NBEAL2: variants seen among roughly 807,000 people sequenced by gnomAD.
The protein encoded by NBEAL2 is neurobeachin like 2, also known as neurobeachin-like protein 2.
A neutral mutation model predicts 299.8 loss-of-function variants in NBEAL2; 160 were observed. The ratio of observed to expected loss-of-function variants is 0.53; its 90% confidence interval spans 0.47 to 0.61. The LOEUF is 0.61. Among genes scored for constraint, NBEAL2 ranks in the 20% least tolerant of loss-of-function variants. The pLI is 0.00. For synonymous variants in NBEAL2, 1,493 were observed against 1,542.3 expected (o/e 0.97, Z 0.75); for missense variants, 3,112 against 3,649.0 (o/e 0.85, Z 3.79).
chr3:46,996,124 GGA>G (rs1408193591), intron 15 of NBEAL2, 73 bp downstream of exon 15: 1 of 1,551,850 alleles, frequency 6.4e-7, no homozygotes, highest in African/African-American at 1.4e-5. Flanking sequence ...GGTGTAGCCT[GGA>G]GCCCTTGTGT....
At chr3:46,984,263 G>T (rs913357651) in intron 1 of NBEAL2, among the ~76,000 whole-genome samples, 1 of 152,078 alleles carries the variant, frequency 6.6e-6, no homozygotes, top group African/African-American at 2.4e-5. Flanking sequence ...TTGAGATCGC[G>T]CCACTGCACT....
Position 46,982,617 on chromosome 3 carries a change from A to G in NBEAL2, c.51+2705A>G, listed in dbSNP as rs1021301775. On this transcript the variant is annotated intron_variant, in intron 1 of 53. Transcript: ENST00000450053. This position sits in a 1 kb window ranked among gnomAD's most constrained non-coding sequence, Gnocchi z 4.2. ...TCCTACTACGATTGTCAGACCTCAC[A>G]TGCAGTAGGTGCTCCTTGGGTATTA... 2.0e-5 allele frequency among the ~76,000 whole-genome samples: 3 copies of G among 152,196 alleles called. No homozygotes were observed. The highest frequency in any genetic ancestry group is 4.4e-5 in the Non-Finnish European group (3 of 68,026).
Position 46,995,481 on chromosome 3 carries a change from C to T in NBEAL2, c.1746C>T (p.Asp582=). The stretch of plus-strand genomic sequence containing the variant: ...CTGCACGTGCTCTGCGCTACTTTGA[C>T]CTCACGCCCAGCATGGCGGGCATCA... ...QGPARALRYF[D]LTPSMAGIMV... The change falls in exon 13 of 54, where the codon GAC becomes GAT. Residue 582 remains aspartate, a synonymous_variant. Transcript: ENST00000450053. 6.2e-7 allele frequency: 1 copy of T among 1,612,914 alleles called. No individual in the cohort carries two copies. Among genetic ancestry groups the T allele is most frequent in the Non-Finnish European group, 8.5e-7 (1 of 1,179,898 alleles).
Position 47,009,090 on chromosome 3 carries a change from A to G in NBEAL2, c.8129A>G (p.Lys2710Arg). The G allele has an allele frequency of 6.3e-7, 1 of 1,587,764 alleles. No individual in the cohort carries two copies. Among genetic ancestry groups the G allele is most frequent in the Non-Finnish European group, 8.5e-7 (1 of 1,171,554 alleles). The change falls in exon 53 of 54, where the codon AAG (lysine) becomes AGG (arginine). Residue 2710 changes from lysine (K) to arginine (R), a missense_variant. This residue lies in a region of NBEAL2 where 348 missense variants were observed against 381.4 expected (regional missense o/e 0.91). Coordinates refer to ENST00000450053, the MANE Select transcript of NBEAL2 (RefSeq NM_015175.3). The part of the protein sequence containing the change: ...SHVLVGLEDG[K>R]LIVVVAGQPS... ...GTGCTGGTGGGCCTGGAGGATGGCAAGCTCATCGTGGTGGTCGCGGGGCAG... is the reference window on the plus strand; with the variant it reads ...GTGCTGGTGGGCCTGGAGGATGGCAGGCTCATCGTGGTGGTCGCGGGGCAG...
Position 47,000,001 on chromosome 3 carries a change from G to GC in NBEAL2, c.3908dup (p.Pro1304SerfsTer20), listed in dbSNP as rs1559605830. The GC allele has an allele frequency of 6.2e-7, 1 of 1,612,212 alleles. No individual in the cohort carries two copies. The highest frequency in any genetic ancestry group is 1.1e-5 in the South Asian group (1 of 91,074). ...GTCCTGGAGGCTGCCACAGCCGGCA[G>GC]CCCCCCTCCGTCTTCCCCAGAGTCA... On this transcript the variant is annotated frameshift_variant, in exon 27 of 54. Transcript: ENST00000450053. LOFTEE classifies it high-confidence loss of function. This position sits in a 1 kb window ranked among gnomAD's most constrained non-coding sequence, Gnocchi z 4.5.
In NBEAL2 at chr3:46,997,567, G is replaced by C; in HGVS notation, c.2831G>C (p.Arg944Pro). Residue 944 changes from arginine (R) to proline (P), a missense_variant, in exon 20 of 54, where the codon CGG becomes CCG. Arg to Pro is a moderately radical substitution (Grantham distance 103). Coordinates refer to ENST00000450053, the MANE Select transcript of NBEAL2 (RefSeq NM_015175.3). ...VLPLGKSSEE[R>P]MERNAVAAFL... The stretch of plus-strand genomic sequence containing the variant: ...CCTTCCTGATGGCTGGCAGAGGAAC[G>C]GATGGAGAGGAACGCAGTGGCTGCT... The C allele has an allele frequency of 6.3e-7, 1 of 1,594,610 alleles. No individual in the cohort carries two copies. Among genetic ancestry groups the C allele is most frequent in the Non-Finnish European group, 8.6e-7 (1 of 1,166,032 alleles).
In NBEAL2 at chr3:46,996,271, C is replaced by T; in HGVS notation, c.2152C>T (p.Pro718Ser). 1 of 1,605,812 alleles carries T rather than the reference C, an allele frequency of 6.2e-7. No homozygotes were observed. Among genetic ancestry groups the T allele is most frequent in the Non-Finnish European group, 8.5e-7 (1 of 1,179,766 alleles). The change falls in exon 16 of 54, where the codon CCT becomes TCT. Residue 718 changes from proline to serine, a missense_variant and splice_region_variant. By Grantham distance (74) the Pro-to-Ser change is moderately conservative. Transcript: ENST00000450053. ...CGCTCCCCCAACCCCGGCCCCACAG[C>T]CTTTCTCCTCCTGCTGTATCGGCTC... is the stretch of plus-strand genomic sequence containing the variant. ...APLRCPSLSE[P>S]FSSCCIGSAG...
chr3:47,002,721 C>T lies in NBEAL2; in HGVS notation c.5378C>T (p.Ala1793Val). 1 of 1,594,564 alleles carries T rather than the reference C, an allele frequency of 6.3e-7. No homozygotes were observed. Among genetic ancestry groups the T allele is most frequent in the Non-Finnish European group, 8.5e-7 (1 of 1,173,490 alleles). ...LRYTAVLKQQ[A>V]TQHSMALLHW... ...TACACGGCAGTGCTGAAGCAGCAGG[C>T]AACGCAGCACTCCATGGCCCTGCTG... The change falls in exon 33 of 54, where the codon GCA becomes GTA. Residue 1793 changes from alanine to valine, a missense_variant. Coordinates refer to ENST00000450053, the MANE Select transcript of NBEAL2 (RefSeq NM_015175.3).
rs2036521769 is a variant in NBEAL2, at chr3:46,996,644, C to CT, written c.2473+52_2473+53insT. 5 of 1,386,222 alleles carry CT rather than the reference C, an allele frequency of 3.6e-6. No homozygotes were observed. The Middle Eastern group carries it at 7.4e-4, about 206-fold the overall frequency. 85.9% of individuals were successfully genotyped at this position (1,386,222 alleles called of 1,614,324 possible). On this transcript the variant is annotated intron_variant, in intron 16 of 53. Transcript: ENST00000450053. ...CAGCCCCAGGCCAGAAGCTAGGGGTCCGGGGGGAGAAGGCATCTCTGGGGG... is the reference window on the plus strand; with the variant it reads ...CAGCCCCAGGCCAGAAGCTAGGGGTCTCGGGGGGAGAAGGCATCTCTGGGGG...
In NBEAL2 at chr3:46,999,625, C is replaced by T; in HGVS notation, c.3704-5C>T. The T allele has an allele frequency of 6.2e-7, 1 of 1,609,224 alleles. No homozygotes were observed. Among genetic ancestry groups the T allele is most frequent in the South Asian group, 1.1e-5 (1 of 90,984 alleles). The stretch of plus-strand genomic sequence containing the variant: ...CCCTCAGGTCCCCCCAACCCATCCC[C>T]CCAGATTGCCTGAACCTCTCAGATC... On this transcript the variant is annotated splice_polypyrimidine_tract_variant and splice_region_variant and intron_variant, in intron 25 of 53. Transcript: ENST00000450053.
At chr3:47,007,006 G>A in intron 45 of NBEAL2, 60 bp from the exon 46 acceptor site, 1 of 1,338,410 alleles carries the variant, frequency 7.5e-7, no homozygotes, top group Non-Finnish European at 1.0e-6. Context: ...ATGCTTCAGG[G>A]AGCAGATAGT....
intron 24 of NBEAL2, 34 bp from the exon 25 acceptor site, chr3:46,999,281 A>T: frequency 6.3e-7 from 1 of 1,578,126 alleles, no homozygotes; most frequent in Non-Finnish European, 8.6e-7. Flanking sequence ...AACTCCTTCC[A>T]CATGATGACA....
intron 11 of NBEAL2, among the ~76,000 whole-genome samples, chr3:46,994,242 C>T (rs1164724244): frequency 2.0e-5 from 3 of 152,142 alleles, no homozygotes; most frequent in African/African-American, 7.2e-5. Context: ...GGGGAATGGA[C>T]ACTTGTAGGC....
intron 32 of NBEAL2, 24 bp downstream of exon 32, chr3:47,002,544 G>A (rs1386440546): frequency 2.5e-6 from 4 of 1,611,406 alleles, no homozygotes; most frequent in Non-Finnish European, 3.4e-6. Flanking sequence ...GGTAAGGGAT[G>A]GGAAACTGCT....
At position 47,003,776 on chromosome 3, in the gene NBEAL2, TC is replaced by T. The variant is rs1033536671; in HGVS notation, c.5721-37del. ...CCCTTTGGGCTTGTGAAGAAGGGGG[TC>T]CCAGAGCCTACAGCGTGAGGTGGGT... On this transcript the variant is annotated intron_variant, in intron 35 of 53. Transcript: ENST00000450053. The surrounding 1 kb of genome is among the most constrained non-coding windows in gnomAD (Gnocchi z 7.0). The T allele has an allele frequency of 7.2e-6, 11 of 1,536,656 alleles. No individual in the cohort carries two copies. In the African/African-American group the frequency reaches 1.5e-4, roughly 21 times the overall value.
Position 47,001,685 on chromosome 3 carries a change from G to A in NBEAL2, c.4645-4G>A, listed in dbSNP as rs752564785. 3.7e-6 allele frequency: 6 copies of A among 1,610,410 alleles called. No individual in the cohort carries two copies. Among genetic ancestry groups the A allele is most frequent in the Admixed American group, 3.3e-5 (2 of 59,982 alleles). On this transcript the variant is annotated splice_region_variant and splice_polypyrimidine_tract_variant and intron_variant, in intron 29 of 53. Coordinates refer to ENST00000450053, the MANE Select transcript of NBEAL2 (RefSeq NM_015175.3). The surrounding 1 kb of genome is among the most constrained non-coding windows in gnomAD (Gnocchi z 6.1). Reference sequence around the variant, plus strand: ...GTCTGTTGGGAACCTGTTTTCTGTGGCAGCTCTTTGAAGGTGTATGCAGCC... The same window carrying A: ...GTCTGTTGGGAACCTGTTTTCTGTGACAGCTCTTTGAAGGTGTATGCAGCC...
Position 47,000,851 on chromosome 3 carries a change from C to A in NBEAL2, c.4306-150C>A. 1 of 1,180,344 alleles carries A rather than the reference C, an allele frequency of 8.5e-7. No individual in the cohort carries two copies. Among genetic ancestry groups the A allele is most frequent in the Non-Finnish European group, 1.2e-6 (1 of 840,842 alleles). The allele number at this position is 1,180,344 out of a possible 1,614,324, so 73.1% of individuals were successfully genotyped here. On this transcript the variant is annotated intron_variant, in intron 27 of 53. Coordinates refer to ENST00000450053, the MANE Select transcript of NBEAL2 (RefSeq NM_015175.3). The surrounding 1 kb of genome is among the most constrained non-coding windows in gnomAD (Gnocchi z 4.5). ...AGACCCCTATACCATTCTTCCAGGC[C>A]CTTAGTGCCAGGCTCACTGTTAGCC...
Position 46,989,538 on chromosome 3 carries a change from C to G in NBEAL2, c.501C>G (p.Ser167Arg), listed in dbSNP as rs1399978158. ...AAGTCATCAGCTCCAAGGAGAAGAGCAAATACAAGTTCCCTCCTGCTGCTT... is the reference window on the plus strand; with the variant it reads ...AAGTCATCAGCTCCAAGGAGAAGAGGAAATACAAGTTCCCTCCTGCTGCTT... Reference protein sequence around the residue: ...SGEVISSKEKSKYKFPPAALP... With the variant: ...SGEVISSKEKRKYKFPPAALP... The change falls in exon 6 of 54, where the codon AGC becomes AGG. Residue 167 changes from serine to arginine, a missense_variant. By Grantham distance (110) the Ser-to-Arg change is moderately radical. Around this residue, in one of 3 missense-constraint regions of NBEAL2, gnomAD observed 2,243 missense variants for 2,538.1 expected, o/e 0.88. Transcript: ENST00000450053. This position sits in a 1 kb window ranked among gnomAD's most constrained non-coding sequence, Gnocchi z 5.5. The G allele has an allele frequency of 6.3e-6, 10 of 1,597,244 alleles. No individual in the cohort carries two copies. Among genetic ancestry groups the G allele is most frequent in the African/African-American group, 1.3e-5 (1 of 74,420 alleles).
At chr3:47,008,492 C>G in intron 51 of NBEAL2, 28 bp from the exon 52 acceptor site, 3 of 1,610,906 alleles carry the variant, frequency 1.9e-6, no homozygotes, top group Non-Finnish European at 2.5e-6. Context: ...GGGATCCTGT[C>G]CTTGCTGACA....
Sources: allele counts gnomAD v4.1 joint callset (sites outside exome capture counted in the v4.1 genomes callset), GRCh38; gene constraint gnomAD v4.1.1; regional missense constraint gnomAD v4.1.1; non-coding constraint Gnocchi (gnomAD v3.1); transcripts MANE v1.5; gene names NCBI Gene and HGNC (gene_info 2026-07-23, HGNC 2026-07-21).